HPSE2: variants seen among roughly 807,000 people sequenced by gnomAD.
HPSE2 encodes heparanase 2 (inactive).
A neutral mutation model predicts 60.5 loss-of-function variants in HPSE2; 38 were observed. That is an observed-to-expected ratio of 0.63 (90% CI 0.48 to 0.82). The LOEUF is 0.82. Among genes scored for constraint, HPSE2 ranks in the 40% least tolerant of loss-of-function variants. The pLI is 0.00. For synonymous variants in HPSE2, 295 were observed against 293.2 expected (o/e 1.01, Z -0.06); for missense variants, 713 against 740.4 (o/e 0.96, Z 0.43).
At chr10:99,012,865 T>C (rs1383929336) in intron 3 of HPSE2, among the ~76,000 whole-genome samples, 2 of 152,198 alleles carry the variant, frequency 1.3e-5, no homozygotes, top group Non-Finnish European at 2.9e-5. Context: ...GGATTCATTA[T>C]GAGAAAAATG....
intron 7 of HPSE2, among the ~76,000 whole-genome samples, chr10:98,627,998 G>A (rs148255864): frequency 2.6e-4 from 39 of 152,276 alleles, no homozygotes; most frequent in Admixed American, 3.9e-4. Context: ...GGTAATTCCT[G>A]TCAAGCCACA....
intron 5 of HPSE2, among the ~76,000 whole-genome samples, chr10:98,706,692 A>T (rs1948556307): frequency 6.6e-6 from 1 of 152,200 alleles, no homozygotes; most frequent in Non-Finnish European, 1.5e-5. Context: ...GGCAAAGAAC[A>T]GCATGAGCAA....
chr10:98,553,019 T>G (rs1379342722), intron 9 of HPSE2, among the ~76,000 whole-genome samples: 1 of 152,218 alleles, frequency 6.6e-6, no homozygotes, highest in African/African-American at 2.4e-5. Context: ...TGGATTAAAT[T>G]GAATTCTAAA....
chr10:99,237,884 T>C (rs1043428651), upstream of HPSE2, among the ~76,000 whole-genome samples: 29 of 152,336 alleles, frequency 1.9e-4, no homozygotes, highest in Middle Eastern at 6.8e-3. Context: ...GAGCACTTAG[T>C]AGGCACTCAA....
intron 6 of HPSE2, among the ~76,000 whole-genome samples, chr10:98,689,218 T>C (rs889282012): frequency 6.6e-6 from 1 of 152,200 alleles, no homozygotes; most frequent in African/African-American, 2.4e-5. Flanking sequence ...TGAACTCTAA[T>C]TGTGCATATG....
chr10:99,193,079 C>A (rs1017939737), intron 2 of HPSE2, among the ~76,000 whole-genome samples: 1 of 152,000 alleles, frequency 6.6e-6, no homozygotes, highest in South Asian at 2.1e-4. Flanking sequence ...ATAATAACTA[C>A]AACAACTTTT....
chr10:99,186,227 T>C (rs1260567262), intron 2 of HPSE2, among the ~76,000 whole-genome samples: 1 of 150,792 alleles, frequency 6.6e-6, no homozygotes, highest in Non-Finnish European at 1.5e-5. Context: ...AGGAAAAAGA[T>C]ACATTGCCTA....
chr10:98,612,538 G>T (rs529670368), intron 9 of HPSE2, among the ~76,000 whole-genome samples: 1 of 152,054 alleles, frequency 6.6e-6, no homozygotes, highest in South Asian at 2.1e-4. Context: ...TTGTCTTTTT[G>T]GTTCCCCACA....
chr10:98,869,292 T>C (rs1199181316), intron 3 of HPSE2, among the ~76,000 whole-genome samples: 1 of 152,150 alleles, frequency 6.6e-6, no homozygotes, highest in Non-Finnish European at 1.5e-5. Flanking sequence ...TAAATAAAAA[T>C]TATAATACTT....
At chr10:98,526,206 A>T (rs1320913885) in intron 9 of HPSE2, among the ~76,000 whole-genome samples, 1 of 152,194 alleles carries the variant, frequency 6.6e-6, no homozygotes, top group Non-Finnish European at 1.5e-5. Flanking sequence ...TGTAGCAAGG[A>T]AGTCTCAGCC....
chr10:99,166,911 C>G (rs949508094), intron 2 of HPSE2, among the ~76,000 whole-genome samples: 2 of 150,508 alleles, frequency 1.3e-5, no homozygotes, highest in East Asian at 3.9e-4. Context: ...GGGTCTTTCA[C>G]AGACCAAAAT....
chr10:98,556,837 C>T lies in HPSE2; in HGVS notation c.1320+58067G>A, dbSNP rs570393324. Reference sequence around the variant, plus strand: ...AAAATTTATACGGCAATGCCAAAAGCCAAAAATATCAAAAGTAATCTTGAA... The same window carrying T: ...AAAATTTATACGGCAATGCCAAAAGTCAAAAATATCAAAAGTAATCTTGAA... On this transcript the variant is annotated intron_variant, in intron 9 of 11. Transcript: ENST00000370552. Among the ~76,000 whole-genome samples the T allele has an allele frequency of 2.2e-3, 338 of 151,580 alleles. 2 individuals carry two copies. Among genetic ancestry groups the T allele is most frequent in the African/African-American group, 8.0e-3 (329 of 40,942 alleles).
At chr10:98,565,677 T>C (rs1944322308) in intron 9 of HPSE2, among the ~76,000 whole-genome samples, 1 of 152,194 alleles carries the variant, frequency 6.6e-6, no homozygotes, top group South Asian at 2.1e-4. Context: ...TTTATATTCC[T>C]TTGGGTATAC....
At chr10:99,186,101 T>TA (rs1464088448) in intron 2 of HPSE2, among the ~76,000 whole-genome samples, 7 of 33,402 alleles carry the variant, frequency 2.1e-4, no homozygotes, top group Non-Finnish European at 5.2e-4. Context: ...GCAGGATAAA[T>TA]AACCACACAC....
chr10:99,132,480 C>T (rs1845480963), intron 3 of HPSE2, among the ~76,000 whole-genome samples: 1 of 152,134 alleles, frequency 6.6e-6, no homozygotes, highest in Non-Finnish European at 1.5e-5. Flanking sequence ...AAGCTCCAGT[C>T]TGCATCTCCC....
At chr10:98,726,680 A>G (rs1352240789) in intron 4 of HPSE2, among the ~76,000 whole-genome samples, 1 of 150,408 alleles carries the variant, frequency 6.6e-6, no homozygotes, top group African/African-American at 2.4e-5. Context: ...GAAATATAAT[A>G]GGAAAATTTG....
chr10:98,589,569 T>C (rs1274292183), intron 9 of HPSE2, among the ~76,000 whole-genome samples: 1 of 152,142 alleles, frequency 6.6e-6, no homozygotes, highest in Non-Finnish European at 1.5e-5. Flanking sequence ...CTATGCCCAA[T>C]AAAAGAAATC....
Position 99,077,799 on chromosome 10 carries a change from G to C in HPSE2, c.610+66439C>G, listed in dbSNP as rs1356755904. ...CACTTTGTTAATACATTGTTCTCCT[G>C]ATTTCATTGATCATGATATGGTTTG... is the stretch of plus-strand genomic sequence containing the variant. On this transcript the variant is annotated intron_variant, in intron 3 of 11. Transcript: ENST00000370552. Among the ~76,000 whole-genome samples, 5 of 151,660 alleles carry C rather than the reference G, an allele frequency of 3.3e-5. No homozygotes were observed. The South Asian group carries it at 1.0e-3, about 32-fold the overall frequency.
At chr10:99,064,473 G>C (rs187692083) in intron 3 of HPSE2, among the ~76,000 whole-genome samples, 29 of 152,062 alleles carry the variant, frequency 1.9e-4, no homozygotes, top group South Asian at 1.2e-3. Flanking sequence ...ACTAATAAAA[G>C]ACTTGGCGCA....
Sources: gnomAD v4.1 joint callset for allele counts (sites outside exome capture counted in the v4.1 genomes callset) on GRCh38, gnomAD v4.1.1 for gene constraint, MANE v1.5 for transcripts, NCBI Gene and HGNC (gene_info 2026-07-23, HGNC 2026-07-21) for gene names.